Variants in CAND1 observed in about 807,000 individuals in gnomAD.
The protein encoded by CAND1 is cullin-associated NEDD8-dissociated protein 1.
A neutral mutation model predicts 108.5 loss-of-function variants in CAND1; 7 were observed. The observed-to-expected ratio is 0.06, with a 90% CI of 0.04 to 0.12. The LOEUF is 0.12. CAND1 is among the 10% of genes least tolerant of loss of function. The pLI is 1.00. For missense variants in CAND1, 941 were observed against 1,448.7 expected, an observed-to-expected ratio of 0.65 and a Z score of 5.69; for synonymous variants, 534 against 512.0, an observed-to-expected ratio of 1.04 and a Z score of -0.58.
At chr12:67,283,515 G>A (rs1432946508) in intron 2 of CAND1, among the ~76,000 whole-genome samples, 2 of 151,636 alleles carry the variant, frequency 1.3e-5, no homozygotes, top group East Asian at 1.9e-4. Context: ...CCTGGAAGGC[G>A]GAGGTTGCAG....
rs778034242 is a variant in CAND1, at chr12:67,305,130, T to C, written c.1462T>C (p.Ser488Pro). 1 of 1,611,330 alleles carries C rather than the reference T, an allele frequency of 6.2e-7. No homozygotes were observed. The highest frequency in any genetic ancestry group is 1.1e-5 in the South Asian group (1 of 90,496). The stretch of plus-strand genomic sequence containing the variant: ...AATCATTTTCTCACTGAATGATAAA[T>C]CAAGCTCATCGAATTTGAAGATCGA... The part of the protein sequence containing the change: ...PGIIFSLNDK[S>P]SSSNLKIDAL... The change falls in exon 10 of 15, where the codon TCA (serine) becomes CCA (proline). Residue 488 changes from serine to proline, a missense_variant. Ser to Pro is a moderately conservative substitution (Grantham distance 74). Around this residue, in one of 9 missense-constraint regions of CAND1, gnomAD observed 697 missense variants for 942.0 expected, o/e 0.74. Coordinates refer to ENST00000545606, the MANE Select transcript of CAND1 (RefSeq NM_018448.5). This position sits in a 1 kb window ranked among gnomAD's most constrained non-coding sequence, Gnocchi z 4.4.
In CAND1 at chr12:67,292,609, C is replaced by T; in HGVS notation, c.213-13C>T. ...TCTAGCTTTTTTTAAACAATTTCTT[C>T]TTTGTATTACAGTCTTGGTCCTTTA... On this transcript the variant is annotated splice_polypyrimidine_tract_variant and intron_variant, in intron 2 of 14. Coordinates refer to ENST00000545606, the MANE Select transcript of CAND1 (RefSeq NM_018448.5). 5 of 1,562,464 alleles carry T rather than the reference C, an allele frequency of 3.2e-6. No individual in the cohort carries two copies. Among genetic ancestry groups the T allele is most frequent in the Non-Finnish European group, 4.3e-6 (5 of 1,156,586 alleles).
chr12:67,286,361 CT>C (rs2044671751), intron 2 of CAND1, among the ~76,000 whole-genome samples: 1 of 152,114 alleles, frequency 6.6e-6, no homozygotes, highest in Non-Finnish European at 1.5e-5. Context: ...GTTCACTTAG[CT>C]TTTTATGAAA....
chr12:67,276,662 A>G (rs2044572234), intron 1 of CAND1, among the ~76,000 whole-genome samples: 1 of 152,184 alleles, frequency 6.6e-6, no homozygotes, highest in African/African-American at 2.4e-5. Context: ...GGTATTTTGT[A>G]TTGCTCAGGG....
intron 7 of CAND1, 82 bp downstream of exon 7, chr12:67,299,177 GTTTGT>G (rs1403855958): frequency 8.4e-6 from 11 of 1,315,386 alleles, no homozygotes; most frequent in East Asian, 2.6e-5. Context: ...AAATTGTACT[GTTTGT>G]TTTATTTAGT....
intron 13 of CAND1, chr12:67,311,301 CTT>C (rs1592627016): frequency 6.6e-6 from 1 of 152,038 alleles, no homozygotes; most frequent in East Asian, 1.9e-4. Flanking sequence ...ATAGTGGAAA[CTT>C]ATTATGAAAT....
rs1322562688 is a variant in CAND1 at position 67,319,013 on chromosome 12, TG to T, written c.*6184del. The T allele has an allele frequency of 1.3e-5, 2 of 152,252 alleles. No homozygotes were observed. The highest frequency in any genetic ancestry group is 3.8e-4 in the East Asian group (2 of 5,200). The allele number at this position is 152,252 out of a possible 1,614,324, so 9.4% of individuals were successfully genotyped here. On this transcript the variant is annotated 3_prime_UTR_variant, in exon 15 of 15. Transcript: ENST00000545606. ...ATCGCTGGGCCCTACACCCAGAGGC[TG>T]TGGTTCAGTAGGCTGTAGTAAACCA... is the stretch of plus-strand genomic sequence containing the variant.
chr12:67,298,829 G>A (rs2044794702), intron 6 of CAND1, 121 bp from the exon 7 acceptor site: 2 of 641,258 alleles, frequency 3.1e-6, no homozygotes, highest in East Asian at 5.7e-5. Context: ...AGAATCATTG[G>A]TGCTAGATAG....
At chr12:67,302,260 C>G in intron 7 of CAND1, 63 bp from the exon 8 acceptor site, 1 of 1,415,158 alleles carries the variant, frequency 7.1e-7, no homozygotes, top group Non-Finnish European at 9.6e-7. Flanking sequence ...AATTGATTTT[C>G]TGTTTTAAAT....
At position 67,306,548 on chromosome 12, in the gene CAND1, A is replaced by C. The variant is rs372821804; in HGVS notation, c.2880A>C (p.Leu960=). ...VVAECLGKLT[L]IDPETLLPRL... ...CTGAATGTCTAGGAAAACTCACTCT[A>C]ATTGATCCAGAAACTCTCCTTCCAC... Residue 960 remains leucine, a synonymous_variant, in exon 10 of 15, where the codon CTA becomes CTC. Coordinates refer to ENST00000545606, the MANE Select transcript of CAND1 (RefSeq NM_018448.5). The C allele has an allele frequency of 6.2e-6, 10 of 1,613,748 alleles. No individual in the cohort carries two copies. In the African/African-American group the frequency reaches 1.3e-4, roughly 22 times the overall value.
chr12:67,293,885 C>T (rs759854192), intron 3 of CAND1, among the ~76,000 whole-genome samples: 16 of 152,184 alleles, frequency 1.1e-4, no homozygotes, highest in Non-Finnish European at 2.2e-4. Context: ...AAACATCAAT[C>T]ATATGGGAGG....
At chr12:67,299,697 C>G (rs1027258226) in intron 7 of CAND1, among the ~76,000 whole-genome samples, 1 of 152,014 alleles carries the variant, frequency 6.6e-6, no homozygotes, top group Non-Finnish European at 1.5e-5. Flanking sequence ...TGTAATCACA[C>G]GATGATTTAT....
At chr12:67,286,547 C>A (rs997071692) in intron 2 of CAND1, among the ~76,000 whole-genome samples, 2 of 134,086 alleles carry the variant, frequency 1.5e-5, no homozygotes, top group African/African-American at 2.7e-5. Flanking sequence ...GAACTGTTTC[C>A]TGTGTTTTTT....
chr12:67,277,902 G>A (rs972472840), intron 1 of CAND1, among the ~76,000 whole-genome samples: 26 of 152,016 alleles, frequency 1.7e-4, no homozygotes, highest in African/African-American at 5.8e-4. Flanking sequence ...ATTCAGTATG[G>A]CCAAATGAAG....
chr12:67,293,574 AG>A (rs2044741176), intron 3 of CAND1, among the ~76,000 whole-genome samples: 1 of 151,816 alleles, frequency 6.6e-6, no homozygotes, highest in East Asian at 1.9e-4. Context: ...ACCAACATGG[AG>A]AAACCCCATC....
intron 4 of CAND1, 137 bp downstream of exon 4, chr12:67,295,293 G>A (rs1276761429): frequency 3.0e-6 from 2 of 656,356 alleles, no homozygotes; most frequent in Admixed American, 7.0e-5. Flanking sequence ...ATCAATTTGT[G>A]TGATTGGGAG....
chr12:67,274,862 G>A (rs2044554637), intron 1 of CAND1, among the ~76,000 whole-genome samples: 1 of 152,138 alleles, frequency 6.6e-6, no homozygotes, highest in South Asian at 2.1e-4. Context: ...TTTCAGAGCT[G>A]GAAGGAACCT....
intron 2 of CAND1, among the ~76,000 whole-genome samples, chr12:67,292,292 G>A (rs1565720997): frequency 6.6e-6 from 1 of 152,134 alleles, no homozygotes. Context: ...GAACAACAGT[G>A]AGACCCTGTC....
At chr12:67,285,579 A>G (rs1461498236) in intron 2 of CAND1, among the ~76,000 whole-genome samples, 2 of 152,190 alleles carry the variant, frequency 1.3e-5, no homozygotes, top group Non-Finnish European at 2.9e-5. Context: ...TTCATAGACC[A>G]GTGAGGTAAA....
Sources: allele counts gnomAD v4.1 joint callset (sites outside exome capture counted in the v4.1 genomes callset), GRCh38; gene constraint gnomAD v4.1.1; regional missense constraint gnomAD v4.1.1; non-coding constraint Gnocchi (gnomAD v3.1); transcripts MANE v1.5; gene names NCBI Gene and HGNC (gene_info 2026-07-23, HGNC 2026-07-21).